Variants in ATP8A2 observed in about 807,000 individuals in gnomAD.
The protein encoded by ATP8A2 is phospholipid-transporting ATPase IB.
Under a neutral mutation model 165.6 loss-of-function variants are expected in ATP8A2, and 100 were observed. That is an observed-to-expected ratio of 0.60 (90% confidence interval 0.51 to 0.71). The LOEUF (loss-of-function observed/expected upper bound fraction) is 0.71, where lower values mean the gene tolerates loss of function less well. ATP8A2 is among the 30% of genes least tolerant of loss of function. The pLI is 0.00. For missense variants in ATP8A2, 1,227 were observed against 1,479.5 expected, an observed-to-expected ratio of 0.83 and a Z score of 2.80; for synonymous variants, 543 against 548.8, an observed-to-expected ratio of 0.99 and a Z score of 0.15.
intron 1 of ATP8A2, among the ~76,000 whole-genome samples, chr13:25,412,283 A>G (rs7325260): frequency 0.05 from 7,501 of 151,396 alleles, 600 homozygotes; most frequent in African/African-American, 0.17. Flanking sequence ...TGATTCCTGC[A>G]GGATACCTAG....
chr13:25,529,851 G>C, intron 2 of ATP8A2, 148 bp from the exon 3 acceptor site: 1 of 545,272 alleles, frequency 1.8e-6, no homozygotes, highest in East Asian at 3.0e-5. Flanking sequence ...AAGCTCTTTA[G>C]GAGAAGATAC....
chr13:25,468,767 C>T (rs1046691312), intron 1 of ATP8A2: 2 of 909,118 alleles, frequency 2.2e-6, no homozygotes, highest in South Asian at 1.0e-4. Context: ...GGGGCGTGGG[C>T]GTGGGCGGGG....
intron 2 of ATP8A2, among the ~76,000 whole-genome samples, chr13:25,505,206 G>GC (rs1555284679): frequency 7.1e-6 from 1 of 141,740 alleles, no homozygotes; most frequent in African/African-American, 2.7e-5. Context: ...GCGGGGCGGG[G>GC]GGGGGTGGTG....
At chr13:25,468,841 G>A (rs2035750371) in intron 1 of ATP8A2, 136 bp from the exon 2 acceptor site, 8 of 1,403,122 alleles carry the variant, frequency 5.7e-6, no homozygotes, top group Middle Eastern at 2.6e-4. Context: ...GGGAGCCAAG[G>A]TACGTAGGCG....
chr13:25,945,503 A>G (rs1190057077), intron 33 of ATP8A2, among the ~76,000 whole-genome samples: 3 of 152,226 alleles, frequency 2.0e-5, no homozygotes, highest in African/African-American at 4.8e-5. Flanking sequence ...CACAATTTTC[A>G]CTGGGTTATC....
At chr13:25,684,664 C>T (rs1233019910) in intron 24 of ATP8A2, among the ~76,000 whole-genome samples, 1 of 152,206 alleles carries the variant, frequency 6.6e-6, no homozygotes, top group Non-Finnish European at 1.5e-5. Context: ...TTCTTCCCTC[C>T]TCTCCAAGAA....
intron 27 of ATP8A2, among the ~76,000 whole-genome samples, chr13:25,793,475 G>A (rs770963174): frequency 6.6e-6 from 1 of 152,030 alleles, no homozygotes; most frequent in Non-Finnish European, 1.5e-5. Flanking sequence ...TCTCCTATAC[G>A]CTATGTTTAA....
chr13:25,768,592 C>T (rs2044546431), intron 25 of ATP8A2, among the ~76,000 whole-genome samples: 2 of 152,136 alleles, frequency 1.3e-5, no homozygotes, highest in Non-Finnish European at 2.9e-5. Context: ...ATTTCCTTTC[C>T]CTTCTGTAAA....
At chr13:25,835,054 T>C (rs1951570640) in intron 28 of ATP8A2, among the ~76,000 whole-genome samples, 1 of 151,930 alleles carries the variant, frequency 6.6e-6, no homozygotes. Context: ...GGCTTCATTA[T>C]AGCATGGTGA....
intron 1 of ATP8A2, among the ~76,000 whole-genome samples, chr13:25,417,991 T>C (rs17082257): frequency 0.27 from 40,622 of 152,082 alleles, 5,644 homozygotes; most frequent in East Asian, 0.46. Flanking sequence ...TTGCTAATGC[T>C]GTAAGCTTCA....
At chr13:25,572,554 G>T (rs1268707821) in intron 18 of ATP8A2, among the ~76,000 whole-genome samples, 1 of 152,150 alleles carries the variant, frequency 6.6e-6, no homozygotes, top group Admixed American at 6.5e-5. Context: ...TTTAGTGATA[G>T]GAAAATAATT....
chr13:25,921,822 G>A (rs531206443), intron 33 of ATP8A2, among the ~76,000 whole-genome samples: 91 of 152,088 alleles, frequency 6.0e-4, no homozygotes, highest in Non-Finnish European at 1.1e-3. Flanking sequence ...TTATTTGATC[G>A]AATGTGTATT....
intron 24 of ATP8A2, among the ~76,000 whole-genome samples, chr13:25,607,660 A>G (rs921306246): frequency 2.6e-5 from 4 of 152,186 alleles, no homozygotes; most frequent in African/African-American, 4.8e-5. Flanking sequence ...ACTCAATTCC[A>G]GTTCCATTGC....
At chr13:25,662,497 G>T (rs149918944) in intron 24 of ATP8A2, among the ~76,000 whole-genome samples, 61 of 151,768 alleles carry the variant, frequency 4.0e-4, no homozygotes, top group African/African-American at 1.0e-3. Flanking sequence ...TTATTTTATC[G>T]AACAGGGAAG....
At chr13:25,419,714 T>C (rs897237342) in intron 1 of ATP8A2, among the ~76,000 whole-genome samples, 1 of 152,194 alleles carries the variant, frequency 6.6e-6, no homozygotes, top group Admixed American at 6.5e-5. Context: ...TGATATAATA[T>C]CTTGCTTCAG....
chr13:25,698,672 A>C (rs1390866919), intron 24 of ATP8A2, among the ~76,000 whole-genome samples: 1 of 152,192 alleles, frequency 6.6e-6, no homozygotes, highest in Non-Finnish European at 1.5e-5. Context: ...ACTTTCTATA[A>C]CATGGGAAAA....
rs139147478 is a variant in ATP8A2 at position 25,538,498 on chromosome 13, G to A, written c.581+437G>A. On this transcript the variant is annotated intron_variant, in intron 7 of 36. Coordinates refer to ENST00000381655, the MANE Select transcript of ATP8A2 (RefSeq NM_016529.6). ...CCGTGGGTGTTTTCTCAGCGTAATC[G>A]TGACCAGCAGATGGTGTTTGCTCTT... 3.3e-3 allele frequency among the ~76,000 whole-genome samples: 496 copies of A among 152,262 alleles called. 6 individuals are homozygous for A. Among genetic ancestry groups the A allele is most frequent in the African/African-American group, 0.011 (448 of 41,546 alleles).
chr13:25,926,458 A>G (rs1954610425), intron 33 of ATP8A2, among the ~76,000 whole-genome samples: 2 of 152,148 alleles, frequency 1.3e-5, no homozygotes, highest in South Asian at 2.1e-4. Flanking sequence ...TTCATTTAAT[A>G]TATTTGTTTT....
chr13:25,455,246 T>C (rs2035335155), intron 1 of ATP8A2, among the ~76,000 whole-genome samples: 1 of 152,176 alleles, frequency 6.6e-6, no homozygotes, highest in African/African-American at 2.4e-5. Context: ...GACTCCTTGA[T>C]TGTGGCCCTC....
Sources: allele counts gnomAD v4.1 joint callset (sites outside exome capture counted in the v4.1 genomes callset), GRCh38; gene constraint gnomAD v4.1.1; transcripts MANE v1.5; gene names NCBI Gene and HGNC (gene_info 2026-07-23, HGNC 2026-07-21).